Variants in KMT2A observed in about 807,000 individuals in gnomAD.
The protein encoded by KMT2A is lysine methyltransferase 2A.
KMT2A carries 16 observed loss-of-function variants against 345.3 expected under a neutral mutation model. The ratio of observed to expected loss-of-function variants is 0.05; its 90% CI spans 0.03 to 0.07. The LOEUF is 0.07. Ranked by LOEUF, KMT2A falls within the 10% of genes least tolerant of loss-of-function variation. The pLI is 1.00. For synonymous variants in KMT2A, 1,599 were observed against 1,778.6 expected, an observed-to-expected ratio of 0.90 and a Z score of 2.54; for missense variants, 3,272 against 4,841.6, an observed-to-expected ratio of 0.68 and a Z score of 9.62.
rs2135319170 is a variant in KMT2A, at chr11:118,526,548, T to C, written c.*4376T>C. 1 of 230,870 alleles carries C rather than the reference T, an allele frequency of 4.3e-6. No homozygotes were observed. The highest frequency in any genetic ancestry group is 8.6e-6 in the Non-Finnish European group (1 of 116,778). 14.3% of individuals were successfully genotyped at this position (230,870 alleles called of 1,614,324 possible). ...TCATGTATAACAGATCTGTTTTTTT[T>C]CCTTGTGTTCTTCCAAGCTTCTGGT... is the stretch of plus-strand genomic sequence containing the variant. On this transcript the variant is annotated 3_prime_UTR_variant, in exon 36 of 36. Coordinates refer to ENST00000534358, the MANE Select transcript of KMT2A (RefSeq NM_001197104.2).
intron 27 of KMT2A, 57 bp from the exon 28 acceptor site, chr11:118,507,472 T>A (rs939106750): frequency 1.4e-6 from 2 of 1,463,212 alleles, no homozygotes; most frequent in Non-Finnish European, 1.9e-6. Flanking sequence ...CACCTCCACA[T>A]TCAGTACATA....
intron 6 of KMT2A, among the ~76,000 whole-genome samples, chr11:118,481,308 T>C (rs1332392632): frequency 6.6e-6 from 1 of 152,204 alleles, no homozygotes; most frequent in Non-Finnish European, 1.5e-5. Context: ...TAAGTTCAAT[T>C]GTTTTAATTT....
chr11:118,517,283 C>G (rs886845678), intron 31 of KMT2A, among the ~76,000 whole-genome samples: 14 of 151,096 alleles, frequency 9.3e-5, no homozygotes, highest in Non-Finnish European at 2.1e-4. Flanking sequence ...GTAGTCCCAG[C>G]TACTCGGGAG....
In KMT2A at chr11:118,502,857, C is replaced by G. The variant is rs781900175; in HGVS notation, c.6965C>G (p.Ser2322Cys). Residue 2322 changes from serine (S) to cysteine (C), a missense_variant, in exon 27 of 36, where the codon TCT becomes TGT. This residue lies in a region of KMT2A where 445 missense variants were observed against 500.9 expected (regional missense o/e 0.89). Coordinates refer to ENST00000534358, the MANE Select transcript of KMT2A (RefSeq NM_001197104.2). The surrounding 1 kb of genome is among the most constrained non-coding windows in gnomAD (Gnocchi z 4.9). ...KVLSSKSSEG[S>C]AHNVAYPGIP... is the part of the protein sequence containing the mutation. ...CTGAGTTCCAAGAGCTCAGAGGGAT[C>G]TGCACATAATGTGGCTTACCCTGGA... 6.2e-7 allele frequency: 1 copy of G among 1,614,198 alleles called. No homozygotes were observed. Among genetic ancestry groups the G allele is most frequent in the Non-Finnish European group, 8.5e-7 (1 of 1,180,034 alleles).
rs1555053321 is a variant in KMT2A, at chr11:118,520,846, A to G, written c.11474A>G (p.His3825Arg). The G allele has an allele frequency of 1.2e-6, 2 of 1,614,006 alleles. No individual in the cohort carries two copies. The highest frequency in any genetic ancestry group is 2.7e-5 in the African/African-American group (2 of 74,914). Residue 3825 changes from histidine (H) to arginine (R), a missense_variant, in exon 34 of 36, where the codon CAC becomes CGC. Physicochemically the swap from His to Arg is conservative, Grantham distance 29 (BLOSUM62 0). Around this residue, in one of 27 missense-constraint regions of KMT2A, gnomAD observed 78 missense variants for 254.5 expected, o/e 0.31. Transcript: ENST00000534358. This position sits in a 1 kb window ranked among gnomAD's most constrained non-coding sequence, Gnocchi z 4.3. The part of the protein sequence containing the change: ...MDLPMPMRFR[H>R]LKKTSKEAVG... ...CTGCCAATGCCCATGCGCTTCCGGC[A>G]CTTAAAAAAGACTTCTAAGGAGGCA...
intron 2 of KMT2A, among the ~76,000 whole-genome samples, chr11:118,469,614 T>C (rs553394575): frequency 1.3e-5 from 2 of 152,352 alleles, no homozygotes; most frequent in East Asian, 3.9e-4. Context: ...CAGTTCTGTA[T>C]AGGAGAAAGC....
rs1950512308 is a variant in KMT2A, at chr11:118,502,273, A to G, written c.6506-125A>G. The G allele has an allele frequency of 1.4e-5, 8 of 579,630 alleles. No individual in the cohort carries two copies. The highest frequency in any genetic ancestry group is 2.7e-6 in the Non-Finnish European group (1 of 367,854). 35.9% of individuals were successfully genotyped at this position (579,630 alleles called of 1,614,324 possible). ...GTCTCAAAAAAGTAATAATAAATAA[A>G]TAGAAAATGTAGATTTCCAGTTACC... On this transcript the variant is annotated intron_variant, in intron 26 of 35. Transcript: ENST00000534358. The surrounding 1 kb of genome is among the most constrained non-coding windows in gnomAD (Gnocchi z 4.9).
At chr11:118,466,155 G>C (rs1949839846) in intron 1 of KMT2A, among the ~76,000 whole-genome samples, 1 of 151,778 alleles carries the variant, frequency 6.6e-6, no homozygotes, top group Admixed American at 6.6e-5. Flanking sequence ...AACATAGTGA[G>C]ACCCCGTCTC....
intron 1 of KMT2A, among the ~76,000 whole-genome samples, chr11:118,460,027 G>T (rs1949716408): frequency 1.3e-5 from 2 of 152,108 alleles, no homozygotes; most frequent in Non-Finnish European, 2.9e-5. Context: ...GGAACTAAAA[G>T]CTATGCATTT....
At chr11:118,457,251 T>G in intron 1 of KMT2A, among the ~76,000 whole-genome samples, 1 of 126,842 alleles carries the variant, frequency 7.9e-6, no homozygotes, top group African/African-American at 3.0e-5. Flanking sequence ...ATGATACACC[T>G]CCTGCCTTTT....
At position 118,478,062 on chromosome 11, in the gene KMT2A, C is replaced by A. The variant is rs1950069861; in HGVS notation, c.3430C>A (p.Pro1144Thr). Residue 1144 changes from proline (P) to threonine (T), a missense_variant, in exon 5 of 36, where the codon CCT (proline) becomes ACT (threonine). Pro to Thr is a conservative substitution (Grantham distance 38). This residue lies in a region of KMT2A where 33 missense variants were observed against 46.5 expected (regional missense o/e 0.71). Coordinates refer to ENST00000534358, the MANE Select transcript of KMT2A (RefSeq NM_001197104.2). ...PVTRNKAPQE[P>T]PVKKGRRSRR... The stretch of plus-strand genomic sequence containing the variant: ...CACTAGAAACAAGGCACCCCAGGAA[C>A]CTCCAGTAAAGAAAGGACGTCGATC... 1 of 1,614,006 alleles carries A rather than the reference C, an allele frequency of 6.2e-7. No individual in the cohort carries two copies. Among genetic ancestry groups the A allele is most frequent in the South Asian group, 1.1e-5 (1 of 91,076 alleles).
In KMT2A at chr11:118,502,598, G is replaced by A. The variant is rs1335499500; in HGVS notation, c.6706G>A (p.Ala2236Thr). The A allele has an allele frequency of 5.0e-6, 8 of 1,613,958 alleles. No individual in the cohort carries two copies. The highest frequency in any genetic ancestry group is 1.3e-5 in the African/African-American group (1 of 74,900). The change falls in exon 27 of 36, where the codon GCT (alanine) becomes ACT (threonine). Residue 2236 changes from alanine (A) to threonine (T), a missense_variant. By Grantham distance (58) the Ala-to-Thr change is moderately conservative (BLOSUM62 0). Around this residue, in one of 27 missense-constraint regions of KMT2A, gnomAD observed 445 missense variants for 500.9 expected, o/e 0.89. Coordinates refer to ENST00000534358, the MANE Select transcript of KMT2A (RefSeq NM_001197104.2). This position sits in a 1 kb window ranked among gnomAD's most constrained non-coding sequence, Gnocchi z 4.9. Reference sequence around the variant, plus strand: ...TTCCTCAGTCTCCACCACCGGGACCGCTACTGATCTTGAATCAAGTGCCAA... The same window carrying A: ...TTCCTCAGTCTCCACCACCGGGACCACTACTGATCTTGAATCAAGTGCCAA... The part of the protein sequence containing the change: ...NVSSVSTTGT[A>T]TDLESSAKVV...
rs1555050234 is a variant in KMT2A, at chr11:118,512,029, A to G, written c.11146+4A>G. On this transcript the variant is annotated splice_donor_region_variant and intron_variant, in intron 31 of 35. Coordinates refer to ENST00000534358, the MANE Select transcript of KMT2A (RefSeq NM_001197104.2). ...CTAAAGCAGCTCTCATTTGCAGGTA[A>G]TGGCTGGAGGTGTTATTCCACTCCT... The G allele has an allele frequency of 2.5e-6, 4 of 1,612,994 alleles. No individual in the cohort carries two copies. Among genetic ancestry groups the G allele is most frequent in the African/African-American group, 1.3e-5 (1 of 74,892 alleles).
chr11:118,495,285 A>G lies in KMT2A; in HGVS notation c.5364-415A>G, dbSNP rs1355228560. 6.6e-6 allele frequency among the ~76,000 whole-genome samples: 1 copy of G among 151,834 alleles called. No homozygotes were observed. The highest frequency in any genetic ancestry group is 1.5e-5 in the Non-Finnish European group (1 of 67,986). On this transcript the variant is annotated intron_variant, in intron 18 of 35. Transcript: ENST00000534358. The surrounding 1 kb of genome is among the most constrained non-coding windows in gnomAD (Gnocchi z 4.1). ...GCGATTCTCCTCCCTCAGCCTCCCA[A>G]GTAGCTGGGAAAACAGGCGGGCACC... is the stretch of plus-strand genomic sequence containing the variant.
At chr11:118,447,579 C>A (rs558474126) in intron 1 of KMT2A, 26 of 431,988 alleles carry the variant, frequency 6.0e-5, no homozygotes, top group South Asian at 3.8e-4. Flanking sequence ...GTAGATAATA[C>A]TTAGCACTGA....
intron 1 of KMT2A, among the ~76,000 whole-genome samples, chr11:118,455,694 TTTTA>T (rs1419786088): frequency 1.3e-5 from 2 of 151,372 alleles, no homozygotes; most frequent in African/African-American, 2.4e-5. Flanking sequence ...TTATTTTTAT[TTTTA>T]TTTATTTATT....
intron 1 of KMT2A, among the ~76,000 whole-genome samples, chr11:118,455,179 C>T (rs1331479890): frequency 3.3e-5 from 5 of 152,154 alleles, no homozygotes; most frequent in Admixed American, 3.3e-4. Flanking sequence ...GCGAGAGCCA[C>T]CATGCCCAGC....
chr11:118,464,552 A>C (rs568722128), intron 1 of KMT2A, among the ~76,000 whole-genome samples: 23 of 152,242 alleles, frequency 1.5e-4, no homozygotes, highest in African/African-American at 5.1e-4. Flanking sequence ...AAAAAAAAAA[A>C]AAAAACCTAA....
chr11:118,455,670 A>AT (rs151144961), intron 1 of KMT2A, among the ~76,000 whole-genome samples: 18 of 148,964 alleles, frequency 1.2e-4, no homozygotes, highest in South Asian at 4.3e-4. Context: ...TATTATTATT[A>AT]TTTTTTTTTA....
Sources: allele counts gnomAD v4.1 joint callset (sites outside exome capture counted in the v4.1 genomes callset), GRCh38; gene constraint gnomAD v4.1.1; regional missense constraint gnomAD v4.1.1; non-coding constraint Gnocchi (gnomAD v3.1); transcripts MANE v1.5; gene names NCBI Gene and HGNC (gene_info 2026-07-23, HGNC 2026-07-21).